GRM8: variants seen among roughly 807,000 people sequenced by gnomAD.
The protein encoded by GRM8 is glutamate metabotropic receptor 8.
GRM8 carries 47 observed loss-of-function variants against 87.2 expected under a neutral mutation model. That is an observed-to-expected ratio of 0.54 (90% CI 0.43 to 0.69). GRM8 has a LOEUF of 0.69. GRM8 is among the 30% of genes least tolerant of loss of function. The probability of loss-of-function intolerance (pLI) is 0.00; values close to 1 mark genes in which losing one functional copy is unlikely to be tolerated. For missense variants in GRM8, 1,019 were observed against 1,139.2 expected, an observed-to-expected ratio of 0.89 and a Z score of 1.52; for synonymous variants, 396 against 404.5, an observed-to-expected ratio of 0.98 and a Z score of 0.25.
intron 6 of GRM8, among the ~76,000 whole-genome samples, chr7:126,854,664 G>A (rs1797517000): frequency 6.6e-6 from 1 of 152,150 alleles, no homozygotes; most frequent in African/African-American, 2.4e-5. Context: ...TAGCTGCTAT[G>A]TCTTATTTTG....
chr7:126,473,694 G>T (rs1805570038), intron 9 of GRM8, among the ~76,000 whole-genome samples: 2 of 152,156 alleles, frequency 1.3e-5, no homozygotes, highest in Non-Finnish European at 2.9e-5. Context: ...CTTAGGCTTT[G>T]TGTCCCCACC....
At chr7:126,968,618 C>T (rs991818281) in intron 3 of GRM8, among the ~76,000 whole-genome samples, 1 of 152,098 alleles carries the variant, frequency 6.6e-6, no homozygotes, top group African/African-American at 2.4e-5. Context: ...AAAATCATCA[C>T]AAAATTTTAG....
At chr7:126,842,247 G>A (rs543902625) in intron 6 of GRM8, among the ~76,000 whole-genome samples, 66 of 152,288 alleles carry the variant, frequency 4.3e-4, no homozygotes, top group Middle Eastern at 3.4e-3. Context: ...CTGAGCAGAA[G>A]GATACCAGAA....
At chr7:126,665,499 A>T (rs1805660051) in intron 7 of GRM8, among the ~76,000 whole-genome samples, 1 of 152,182 alleles carries the variant, frequency 6.6e-6, no homozygotes, top group South Asian at 2.1e-4. Context: ...TTAATGCAGG[A>T]ACAGAAAACC....
At chr7:126,971,303 G>A (rs969662817) in intron 3 of GRM8, among the ~76,000 whole-genome samples, 13 of 151,916 alleles carry the variant, frequency 8.6e-5, no homozygotes, top group African/African-American at 3.1e-4. Flanking sequence ...GGACTGGGTG[G>A]TAACAATGTT....
chr7:127,242,788 G>A lies in GRM8; in HGVS notation c.417C>T (p.Pro139=). The A allele has an allele frequency of 6.2e-7, 1 of 1,614,144 alleles. No individual in the cohort carries two copies. ...SDVKCANGDP[P]IFTKPDKISG... is the part of the protein sequence containing the mutation. ...AAATCTTGTCGGGCTTGGTGAAAAT[G>A]GGTGGATCTCCATTAGCACACTTCA... The change falls in exon 2 of 11, where the codon CCC becomes CCT. Residue 139 remains proline (P), a synonymous_variant. Coordinates refer to ENST00000339582, the MANE Select transcript of GRM8 (RefSeq NM_000845.3).
At chr7:126,464,148 T>G (rs1374750963) in intron 9 of GRM8, among the ~76,000 whole-genome samples, 1 of 151,640 alleles carries the variant, frequency 6.6e-6, no homozygotes, top group Non-Finnish European at 1.5e-5. Context: ...CCATTACATA[T>G]TATGGATACA....
intron 2 of GRM8, among the ~76,000 whole-genome samples, chr7:127,134,462 C>T (rs1321838415): frequency 3.3e-5 from 5 of 152,084 alleles, no homozygotes; most frequent in Admixed American, 6.5e-5. Context: ...CCTGATTTAC[C>T]TTAAAATCTG....
At chr7:126,568,121 A>G (rs1794397672) in intron 8 of GRM8, among the ~76,000 whole-genome samples, 1 of 152,088 alleles carries the variant, frequency 6.6e-6, no homozygotes. Flanking sequence ...ACTGTTTTAT[A>G]TTAGTTTTAG....
At chr7:126,595,012 T>C (rs1386210924) in intron 8 of GRM8, among the ~76,000 whole-genome samples, 3 of 152,176 alleles carry the variant, frequency 2.0e-5, no homozygotes, top group Non-Finnish European at 2.9e-5. Context: ...ACATTCATCA[T>C]TAGAGTACTA....
chr7:126,701,772 T>C (rs1408371448), intron 7 of GRM8: 12 of 1,274,614 alleles, frequency 9.4e-6, no homozygotes, highest in African/African-American at 3.1e-5. Flanking sequence ...TACTGGAAAA[T>C]GAAGGAGTAA....
At chr7:127,173,185 T>C (rs540623462) in intron 2 of GRM8, among the ~76,000 whole-genome samples, 9 of 152,286 alleles carry the variant, frequency 5.9e-5, no homozygotes, top group African/African-American at 1.4e-4. Context: ...AAGTAAATTA[T>C]GTAATATGTT....
At chr7:127,130,271 GA>G (rs1232677385) in intron 2 of GRM8, among the ~76,000 whole-genome samples, 1 of 152,176 alleles carries the variant, frequency 6.6e-6, no homozygotes, top group Non-Finnish European at 1.5e-5. Flanking sequence ...TTGGTACAGG[GA>G]GTGGGGTACT....
At position 127,243,217 on chromosome 7, in the gene GRM8, T is replaced by G; in HGVS notation, c.-13A>C. 6.3e-7 allele frequency: 1 copy of G among 1,594,178 alleles called. No individual in the cohort carries two copies. Among genetic ancestry groups the G allele is most frequent in the Non-Finnish European group, 8.5e-7 (1 of 1,175,532 alleles). The stretch of plus-strand genomic sequence containing the variant: ...CCTCGCATACCATTTTCTCCACAGG[T>G]GGTATTGCAATCCAAGACCCAAAGT... On this transcript the variant is annotated 5_prime_UTR_variant, in exon 2 of 11. Coordinates refer to ENST00000339582, the MANE Select transcript of GRM8 (RefSeq NM_000845.3).
At chr7:126,710,897 G>T (rs1811030209) in intron 7 of GRM8, among the ~76,000 whole-genome samples, 1 of 152,178 alleles carries the variant, frequency 6.6e-6, no homozygotes. Flanking sequence ...TTCTTGGCTG[G>T]GTACATGGCT....
At chr7:126,839,588 T>C (rs1751680293) in intron 6 of GRM8, among the ~76,000 whole-genome samples, 7 of 152,112 alleles carry the variant, frequency 4.6e-5, no homozygotes, top group Admixed American at 3.9e-4. Flanking sequence ...AATTACAAAT[T>C]TGAGACGAGA....
At chr7:126,721,335 T>C (rs1812375345) in intron 7 of GRM8, among the ~76,000 whole-genome samples, 1 of 152,176 alleles carries the variant, frequency 6.6e-6, no homozygotes, top group African/African-American at 2.4e-5. Context: ...AAAGCACTGC[T>C]TTCCCCTTTG....
intron 2 of GRM8, among the ~76,000 whole-genome samples, chr7:127,117,009 A>G (rs1826736856): frequency 6.6e-6 from 1 of 152,208 alleles, no homozygotes; most frequent in Admixed American, 6.6e-5. Context: ...AAATGAATGG[A>G]TAGATGAAAG....
chr7:127,020,905 A>T (rs1346070994), intron 3 of GRM8, among the ~76,000 whole-genome samples: 4 of 152,034 alleles, frequency 2.6e-5, no homozygotes, highest in African/African-American at 7.2e-5. Context: ...GCTCCTTTTA[A>T]GTGGGAGAAA....
Sources: gnomAD v4.1 joint callset for allele counts (sites outside exome capture counted in the v4.1 genomes callset) on GRCh38, gnomAD v4.1.1 for gene constraint, MANE v1.5 for transcripts, NCBI Gene and HGNC (gene_info 2026-07-23, HGNC 2026-07-21) for gene names.